Variants in CACNA1E observed in about 807,000 individuals in gnomAD.
CACNA1E encodes voltage-dependent R-type calcium channel subunit alpha-1E.
In CACNA1E, 40 loss-of-function variants were observed where a neutral mutation model predicts 259.2. The observed-to-expected ratio is 0.15, with a 90% CI of 0.12 to 0.20. The LOEUF (loss-of-function observed/expected upper bound fraction) is 0.20. CACNA1E is among the 10% of genes least tolerant of loss of function. The pLI is 1.00. For synonymous variants in CACNA1E, 1,104 were observed against 1,138.5 expected, an observed-to-expected ratio of 0.97 and a Z score of 0.61; for missense variants, 1,874 against 3,040.1, an observed-to-expected ratio of 0.62 and a Z score of 9.02.
At position 181,497,489 on chromosome 1, in the gene CACNA1E, A is replaced by G. The variant is rs142672918; in HGVS notation, c.267-12988A>G. On this transcript the variant is annotated intron_variant, in intron 1 of 47. Transcript: ENST00000367573. ...AGGCCTGGAGAGCTTTCTGTTCCTC[A>G]ATATGCATCCCTGAGAATGGATGGA... Among the ~76,000 whole-genome samples, 126 of 152,316 alleles carry G rather than the reference A, an allele frequency of 8.3e-4. 1 individual carries two copies. The highest frequency in any genetic ancestry group is 2.9e-3 in the African/African-American group (121 of 41,562).
chr1:181,413,074 C>G (rs1397473897), intron 1 of CACNA1E: 1 of 153,290 alleles, frequency 6.5e-6, no homozygotes, highest in Non-Finnish European at 1.5e-5. Context: ...GACCTTGGCC[C>G]CATTCTTCCT....
chr1:181,328,354 A>G (rs960789419), intron 1 of CACNA1E, among the ~76,000 whole-genome samples: 1 of 152,142 alleles, frequency 6.6e-6, no homozygotes, highest in African/African-American at 2.4e-5. Flanking sequence ...CCCACCTTCT[A>G]ATACCATTAC....
At chr1:181,438,092 TAAGG>T (rs2102281016) in intron 2 of CACNA1E, among the ~76,000 whole-genome samples, 1 of 152,306 alleles carries the variant, frequency 6.6e-6, no homozygotes, top group African/African-American at 2.4e-5. Context: ...ACTAAACAGT[TAAGG>T]GAGGTGTGTG....
At chr1:181,570,887 A>G (rs1234173195) in intron 3 of CACNA1E, among the ~76,000 whole-genome samples, 1 of 152,130 alleles carries the variant, frequency 6.6e-6, no homozygotes, top group Non-Finnish European at 1.5e-5. Context: ...CAGATTTCTC[A>G]ATTAGGACCT....
At chr1:181,390,897 C>A in intron 1 of CACNA1E, among the ~76,000 whole-genome samples, 1 of 152,196 alleles carries the variant, frequency 6.6e-6, no homozygotes, top group South Asian at 2.1e-4. Context: ...GAAAGATGCC[C>A]GAGGCTTCAT....
chr1:181,766,497 T>G lies in CACNA1E; in HGVS notation c.4816-49T>G, dbSNP rs1462198177. On this transcript the variant is annotated intron_variant, in intron 34 of 47. Transcript: ENST00000367573. Reference sequence around the variant, plus strand: ...GCCGGTGACTGCAGGTTGTTGAGCTTGGGTGCTGCTTTTCTTTGATTAACG... The same window carrying G: ...GCCGGTGACTGCAGGTTGTTGAGCTGGGGTGCTGCTTTTCTTTGATTAACG... The G allele has an allele frequency of 2.8e-6, 4 of 1,411,414 alleles. No homozygotes were observed. In the African/African-American group the frequency reaches 5.6e-5, roughly 20 times the overall value. The allele number at this position is 1,411,414 out of a possible 1,614,324, so 87.4% of individuals were successfully genotyped here. A position where few individuals can be genotyped will look rare whatever the true frequency, so the allele number is the denominator to read the frequency against.
At chr1:181,669,397 C>G (rs899549753) in intron 7 of CACNA1E, among the ~76,000 whole-genome samples, 10 of 152,320 alleles carry the variant, frequency 6.6e-5, no homozygotes, top group African/African-American at 2.4e-4. Flanking sequence ...GTAATCACTT[C>G]TTTGGCTAGA....
intron 25 of CACNA1E, among the ~76,000 whole-genome samples, chr1:181,743,895 TC>T (rs1656817273): frequency 6.6e-6 from 1 of 152,180 alleles, no homozygotes; most frequent in South Asian, 2.1e-4. Context: ...TCCCATCTCC[TC>T]CCCCACCTCG....
intron 3 of CACNA1E, 109 bp downstream of exon 3, chr1:181,511,619 G>A (rs1666173382): frequency 7.8e-7 from 1 of 1,274,476 alleles, no homozygotes. Context: ...CTGTAGAGTA[G>A]GGGCAGAAGA....
intron 3 of CACNA1E, among the ~76,000 whole-genome samples, chr1:181,536,380 A>G (rs1213531506): frequency 6.6e-6 from 1 of 152,058 alleles, no homozygotes; most frequent in Admixed American, 6.6e-5. Context: ...TCACATCTCA[A>G]ATTCACCTGT....
chr1:181,603,660 T>A (rs1448673470), intron 6 of CACNA1E, among the ~76,000 whole-genome samples: 1 of 152,094 alleles, frequency 6.6e-6, no homozygotes, highest in Admixed American at 6.5e-5. Context: ...GGCCATCTCT[T>A]AGATGAAAGT....
intron 3 of CACNA1E, among the ~76,000 whole-genome samples, chr1:181,558,442 T>C (rs973356084): frequency 7.9e-5 from 12 of 152,084 alleles, no homozygotes; most frequent in African/African-American, 2.7e-4. Flanking sequence ...GAAAAACAGA[T>C]AAGAAAACTG....
At chr1:181,738,964 G>A (rs1476604597) in intron 24 of CACNA1E, among the ~76,000 whole-genome samples, 183 bp from the exon 25 acceptor site, 2 of 152,164 alleles carry the variant, frequency 1.3e-5, no homozygotes, top group East Asian at 3.8e-4. Context: ...CTATGAGATG[G>A]GGGCCTCAGG....
Position 181,439,267 on chromosome 1 carries a change from A to G in CACNA1E, c.434+25687A>G, listed in dbSNP as rs556262390. On this transcript the variant is annotated intron_variant, in intron 2 of 11. Coordinates refer to the CACNA1E transcript ENST00000524607. ...AATAATAATATGTCTAAAATTAAAG[A>G]CAGAGATTTCAAATTTGAGATATTT... 4.6e-5 allele frequency among the ~76,000 whole-genome samples: 7 copies of G among 152,268 alleles called. No individual in the cohort carries two copies. The South Asian group carries it at 1.2e-3, about 27-fold the overall frequency.
chr1:181,368,950 C>T (rs1016404956), intron 1 of CACNA1E, among the ~76,000 whole-genome samples: 3 of 152,152 alleles, frequency 2.0e-5, no homozygotes, highest in Non-Finnish European at 4.4e-5. Context: ...ATATGCAAAG[C>T]ACTGGGCCCA....
chr1:181,381,656 A>G (rs1655468183), intron 1 of CACNA1E, among the ~76,000 whole-genome samples: 1 of 152,226 alleles, frequency 6.6e-6, no homozygotes, highest in Non-Finnish European at 1.5e-5. Context: ...TGAAAACTTC[A>G]GTGATTAGTG....
intron 38 of CACNA1E, among the ~76,000 whole-genome samples, chr1:181,777,844 AG>A (rs1558380059): frequency 1.3e-5 from 2 of 152,246 alleles, no homozygotes; most frequent in Non-Finnish European, 2.9e-5. Context: ...GAGCCTAAGA[AG>A]GGACCTCTTC....
At chr1:181,528,290 A>G (rs1230388371) in intron 3 of CACNA1E, among the ~76,000 whole-genome samples, 1 of 152,104 alleles carries the variant, frequency 6.6e-6, no homozygotes, top group African/African-American at 2.4e-5. Flanking sequence ...GCTGCCATGT[A>G]AGAAGTATGT....
chr1:181,371,707 TTA>T (rs1654721706), intron 1 of CACNA1E, among the ~76,000 whole-genome samples: 1 of 152,242 alleles, frequency 6.6e-6, no homozygotes. Flanking sequence ...ATTAGGGTTT[TTA>T]TAGTTTTAGG....
Sources: gnomAD v4.1 joint callset for allele counts (sites outside exome capture counted in the v4.1 genomes callset) on GRCh38, gnomAD v4.1.1 for gene constraint, MANE v1.5 for transcripts, NCBI Gene and HGNC (gene_info 2026-07-23, HGNC 2026-07-21) for gene names.